The following FMN1 variants were observed in gnomAD, a reference collection of about 807,000 sequenced individuals.
The protein encoded by FMN1 is formin-1.
In FMN1, 110 loss-of-function variants were observed where a neutral mutation model predicts 132.4. That is an observed-to-expected ratio of 0.83 (90% CI 0.71 to 0.97). The LOEUF is 0.97. Among genes scored for constraint, FMN1 ranks in the 50% least tolerant of loss-of-function variants. The probability of loss-of-function intolerance (pLI) is 0.00; values close to 1 mark genes in which losing one functional copy is unlikely to be tolerated. For synonymous variants in FMN1, 722 were observed against 651.7 expected (o/e 1.11, Z -1.64); for missense variants, 1,792 against 1,705.3 (o/e 1.05, Z -0.90).
chr15:33,091,986 C>G lies in FMN1; in HGVS notation c.1868-3012G>C, dbSNP rs571419254. ...TCCTTTTCATGTGCATACTACAAACCTGTTTTGTACTCAGTATTAGTTATT... is the reference window on the plus strand; with the variant it reads ...TCCTTTTCATGTGCATACTACAAACGTGTTTTGTACTCAGTATTAGTTATT... On this transcript the variant is annotated intron_variant, in intron 4 of 20. Transcript: ENST00000616417. Among the ~76,000 whole-genome samples, 6 of 152,288 alleles carry G rather than the reference C, an allele frequency of 3.9e-5. No individual in the cohort carries two copies. The East Asian group carries it at 7.7e-4, about 20-fold the overall frequency.
intron 3 of FMN1, among the ~76,000 whole-genome samples, chr15:33,164,479 G>A (rs75417264): frequency 2.0e-5 from 3 of 152,260 alleles, no homozygotes; most frequent in East Asian, 1.9e-4. Context: ...TTTTGTGTAC[G>A]TTTTTTCATT....
rs373185751 is a variant in FMN1 at position 32,823,152 on chromosome 15, G to GTTTTTTTTTTTTTTTTTT, written c.3929-18838_3929-18821dup. The stretch of plus-strand genomic sequence containing the variant: ...GTCTCAAAGACAGAGAGTTTCTACT[G>GTTTTTTTTTTTTTTTTTT]TTTTTTTTTTTTTTTTTTTTTTTTT... On this transcript the variant is annotated intron_variant, in intron 17 of 20. Coordinates refer to ENST00000616417, the MANE Select transcript of FMN1 (RefSeq NM_001277313.2). 3.5e-5 allele frequency among the ~76,000 whole-genome samples: 3 copies of GTTTTTTTTTTTTTTTTTT among 86,212 alleles called. 1 individual carries two copies. Among genetic ancestry groups the GTTTTTTTTTTTTTTTTTT allele is most frequent in the African/African-American group, 1.6e-4 (3 of 18,722 alleles). 56.6% of individuals were successfully genotyped at this position (86,212 alleles called of 152,430 possible).
intron 4 of FMN1, among the ~76,000 whole-genome samples, chr15:33,116,383 C>CTGTGTT (rs2039926300): frequency 6.6e-6 from 1 of 152,174 alleles, no homozygotes; most frequent in Non-Finnish European, 1.5e-5. Context: ...ACTGTTCAAA[C>CTGTGTT]CGTGTTCAAA....
intron 3 of FMN1, among the ~76,000 whole-genome samples, chr15:33,178,874 G>T (rs906372806): frequency 2.0e-5 from 3 of 152,148 alleles, no homozygotes; most frequent in Non-Finnish European, 4.4e-5. Context: ...TTTGATTAAA[G>T]CCTCTCTAAA....
At chr15:32,982,760 G>T (rs1596394698) in intron 7 of FMN1, among the ~76,000 whole-genome samples, 1 of 151,950 alleles carries the variant, frequency 6.6e-6, no homozygotes. Context: ...GGGACATAAA[G>T]ACTTTCCTGT....
At chr15:33,018,301 A>G (rs903414070) in intron 6 of FMN1, among the ~76,000 whole-genome samples, 3 of 151,990 alleles carry the variant, frequency 2.0e-5, no homozygotes, top group African/African-American at 7.2e-5. Flanking sequence ...TGATCGACCA[A>G]TAACTGGAAG....
chr15:32,866,312 C>T (rs1347275526), intron 16 of FMN1, among the ~76,000 whole-genome samples: 1 of 151,708 alleles, frequency 6.6e-6, no homozygotes, highest in Non-Finnish European at 1.5e-5. Context: ...TTCATACACT[C>T]TATTTGGCTG....
At chr15:32,929,976 T>A (rs2061065385) in intron 9 of FMN1, among the ~76,000 whole-genome samples, 1 of 145,124 alleles carries the variant, frequency 6.9e-6, no homozygotes. Flanking sequence ...TAGTTCTATT[T>A]TTAAATTTTT....
intron 17 of FMN1, among the ~76,000 whole-genome samples, chr15:32,855,911 C>G (rs907182655): frequency 1.3e-5 from 2 of 151,904 alleles, no homozygotes; most frequent in Non-Finnish European, 2.9e-5. Context: ...GGTATCTTTG[C>G]TCTCAAGATG....
chr15:33,109,848 A>C (rs1309335670), intron 4 of FMN1, among the ~76,000 whole-genome samples: 1 of 151,874 alleles, frequency 6.6e-6, no homozygotes, highest in Non-Finnish European at 1.5e-5. Flanking sequence ...GTTAAAAAAA[A>C]AAAATGCAAG....
intron 7 of FMN1, among the ~76,000 whole-genome samples, chr15:33,006,229 A>G (rs933694078): frequency 2.2e-4 from 34 of 152,198 alleles, no homozygotes; most frequent in Non-Finnish European, 4.4e-5. Flanking sequence ...ATGAGCAAAT[A>G]ATCTGAAAAT....
At chr15:32,963,968 T>C (rs2030893143) in intron 9 of FMN1, 139 bp downstream of exon 9, 2 of 458,946 alleles carry the variant, frequency 4.4e-6, no homozygotes, top group Non-Finnish European at 7.6e-6. Context: ...TAAATTCCTA[T>C]GATACACACA....
intron 6 of FMN1, among the ~76,000 whole-genome samples, chr15:33,030,563 C>A (rs2035888685): frequency 6.6e-6 from 1 of 152,142 alleles, no homozygotes. Context: ...CAAAACCAAA[C>A]AAATGATAAC....
chr15:33,143,057 T>C (rs1485326894), intron 4 of FMN1, among the ~76,000 whole-genome samples: 1 of 152,212 alleles, frequency 6.6e-6, no homozygotes, highest in African/African-American at 2.4e-5. Context: ...AAGCTGTCTG[T>C]TCTGGTAAAG....
chr15:32,917,347 T>C (rs932718304), intron 10 of FMN1, among the ~76,000 whole-genome samples: 43 of 152,158 alleles, frequency 2.8e-4, no homozygotes, highest in African/African-American at 9.2e-4. Flanking sequence ...GGCCTACCTG[T>C]GCAAACCCAG....
chr15:32,990,548 G>T (rs998302840), intron 7 of FMN1, among the ~76,000 whole-genome samples: 3 of 152,092 alleles, frequency 2.0e-5, no homozygotes, highest in African/African-American at 7.2e-5. Flanking sequence ...AGGAATGGAA[G>T]GTCAAAGCAA....
intron 5 of FMN1, among the ~76,000 whole-genome samples, chr15:33,080,418 C>T (rs2038405613): frequency 6.6e-6 from 1 of 152,134 alleles, no homozygotes; most frequent in Admixed American, 6.5e-5. Context: ...CTAGACACCC[C>T]CTCACACTGC....
At chr15:33,151,480 C>T in intron 4 of FMN1, 1 of 1,214,228 alleles carries the variant, frequency 8.2e-7, no homozygotes, top group Non-Finnish European at 1.1e-6. Context: ...CACGGTCAGT[C>T]TCCAACAGAA....
chr15:33,124,702 CACAA>C (rs1365826270), intron 4 of FMN1, among the ~76,000 whole-genome samples: 1 of 151,916 alleles, frequency 6.6e-6, no homozygotes, highest in Non-Finnish European at 1.5e-5. Flanking sequence ...GAAACTGATC[CACAA>C]AGTCTGGAAG....
Sources: allele counts gnomAD v4.1 joint callset (sites outside exome capture counted in the v4.1 genomes callset), GRCh38; gene constraint gnomAD v4.1.1; transcripts MANE v1.5; gene names NCBI Gene and HGNC (gene_info 2026-07-23, HGNC 2026-07-21).